Variants in ACTN1 observed in about 807,000 individuals in gnomAD.
The protein encoded by ACTN1 is alpha-actinin-1.
In ACTN1, 30 loss-of-function variants were observed where a neutral mutation model predicts 119.6. The observed-to-expected ratio is 0.25, with a 90% CI of 0.19 to 0.34. The LOEUF (loss-of-function observed/expected upper bound fraction) is 0.34. Ranked by LOEUF, ACTN1 falls within the 10% of genes least tolerant of loss-of-function variation. The probability of loss-of-function intolerance (pLI) is 1.00; values close to 1 mark genes in which losing one functional copy is unlikely to be tolerated. For synonymous variants in ACTN1, 429 were observed against 472.6 expected, an observed-to-expected ratio of 0.91 and a Z score of 1.20; for missense variants, 764 against 1,223.4, an observed-to-expected ratio of 0.62 and a Z score of 5.60.
chr14:68,890,115 G>A (rs1458303566), intron 11 of ACTN1, 24 bp downstream of exon 11: 1 of 1,602,198 alleles, frequency 6.2e-7, no homozygotes, highest in African/African-American at 1.3e-5. Context: ...CCTGGGGGGA[G>A]GCAGGAGGCT....
rs11557769 is a variant in ACTN1 at position 68,874,936 on chromosome 14, T to A, written c.2668A>T (p.Thr890Ser). 22,194 of 1,612,820 alleles carry A rather than the reference T, an allele frequency of 0.014. 205 individuals carry two copies. Among genetic ancestry groups the A allele is most frequent in the Middle Eastern group, 0.018 (109 of 6,058 alleles). The part of the protein sequence containing the change: ...EYCIARMAPY[T>S]GPDSVPGALD... ...GCACCTGGCACGGAGTCGGGGCCGGTGTAGGGGGCCATCCGCGCGATGCAG... is the reference window on the plus strand; with the variant it reads ...GCACCTGGCACGGAGTCGGGGCCGGAGTAGGGGGCCATCCGCGCGATGCAG... Residue 890 changes from threonine (T) to serine (S), a missense_variant, in exon 22 of 22, where the codon ACC becomes TCC. By Grantham distance (58) the Thr-to-Ser change is moderately conservative. Transcript: ENST00000394419.
At chr14:68,911,465 C>G (rs2034000363) in intron 4 of ACTN1, among the ~76,000 whole-genome samples, 2 of 152,186 alleles carry the variant, frequency 1.3e-5, no homozygotes, top group African/African-American at 2.4e-5. Flanking sequence ...AGTGTCACAC[C>G]TAGATCTCCA....
intron 1 of ACTN1, among the ~76,000 whole-genome samples, chr14:68,972,106 AGGTTAG>A (rs772918451): frequency 2.2e-4 from 33 of 152,290 alleles, no homozygotes; most frequent in Non-Finnish European, 4.3e-4. Flanking sequence ...TTATAGACAG[AGGTTAG>A]GGAGAAATTT....
At chr14:68,875,784 G>A (rs1277897586) in intron 21 of ACTN1, among the ~76,000 whole-genome samples, 2 of 152,174 alleles carry the variant, frequency 1.3e-5, no homozygotes, top group African/African-American at 2.4e-5. Context: ...GCCCCTAGCT[G>A]GGCCCTAGTT....
intron 1 of ACTN1, chr14:68,936,817 C>G: frequency 1.7e-6 from 1 of 602,370 alleles, no homozygotes; most frequent in Non-Finnish European, 3.3e-6. Flanking sequence ...GCCAAGCAAT[C>G]CCAGAACTGC....
chr14:68,943,715 TATC>T (rs1367269042), intron 1 of ACTN1, among the ~76,000 whole-genome samples: 1 of 152,180 alleles, frequency 6.6e-6, no homozygotes, highest in Non-Finnish European at 1.5e-5. Flanking sequence ...CACTCACTGT[TATC>T]ATCACCCACG....
chr14:68,876,715 G>C (rs1253661273), intron 21 of ACTN1, among the ~76,000 whole-genome samples: 1 of 152,120 alleles, frequency 6.6e-6, no homozygotes, highest in Non-Finnish European at 1.5e-5. Flanking sequence ...TCCCATTATA[G>C]TCCGTGCCGA....
intron 1 of ACTN1, among the ~76,000 whole-genome samples, chr14:68,959,408 A>C (rs755929478): frequency 6.6e-6 from 1 of 152,068 alleles, no homozygotes; most frequent in Non-Finnish European, 1.5e-5. Context: ...TTACTGCACC[A>C]CTCTCCTAAA....
chr14:68,950,932 T>C (rs1261881833), intron 1 of ACTN1, among the ~76,000 whole-genome samples: 2 of 152,148 alleles, frequency 1.3e-5, no homozygotes, highest in Non-Finnish European at 2.9e-5. Context: ...CATTTCAAAT[T>C]GTGATTCAGG....
intron 1 of ACTN1, among the ~76,000 whole-genome samples, chr14:68,960,293 G>T (rs112298366): frequency 1.3e-5 from 2 of 152,154 alleles, no homozygotes; most frequent in East Asian, 1.9e-4. Context: ...TTCAAGGGTC[G>T]GTTGTATATT....
At chr14:68,934,316 C>T (rs577528759) in intron 1 of ACTN1, among the ~76,000 whole-genome samples, 62 of 152,378 alleles carry the variant, frequency 4.1e-4, no homozygotes, top group African/African-American at 1.3e-3. Context: ...GGGCAGCGGG[C>T]GCGCCTCTCC....
intron 21 of ACTN1, among the ~76,000 whole-genome samples, chr14:68,876,726 T>C (rs372215766): frequency 6.5e-4 from 99 of 152,306 alleles, no homozygotes; most frequent in African/African-American, 2.3e-3. Flanking sequence ...TCCGTGCCGA[T>C]GCGCGGGATG....
At chr14:68,946,477 A>G (rs1433341850) in intron 1 of ACTN1, among the ~76,000 whole-genome samples, 2 of 152,114 alleles carry the variant, frequency 1.3e-5, no homozygotes, top group Non-Finnish European at 2.9e-5. Context: ...TTCCCAGCCC[A>G]ATAAAAAAGG....
intron 3 of ACTN1, among the ~76,000 whole-genome samples, chr14:68,918,122 C>A (rs115878517): frequency 6.6e-6 from 1 of 152,110 alleles, no homozygotes; most frequent in Non-Finnish European, 1.5e-5. Context: ...GCTAGGCCTG[C>A]GTCAAAGGAA....
chr14:68,948,948 A>G (rs1430085874), intron 1 of ACTN1, among the ~76,000 whole-genome samples: 2 of 152,214 alleles, frequency 1.3e-5, no homozygotes, highest in Admixed American at 1.3e-4. Flanking sequence ...CGAACCAGTG[A>G]GCCCACAGAG....
At position 68,880,119 on chromosome 14, in the gene ACTN1, G is replaced by A. The variant is rs2031356430; in HGVS notation, c.2134-11C>T. 2 of 1,612,428 alleles carry A rather than the reference G, an allele frequency of 1.2e-6. No homozygotes were observed. Among genetic ancestry groups the A allele is most frequent in the Non-Finnish European group, 1.7e-6 (2 of 1,179,022 alleles). On this transcript the variant is annotated splice_polypyrimidine_tract_variant and intron_variant, in intron 17 of 21. Coordinates refer to ENST00000394419, the MANE Select transcript of ACTN1 (RefSeq NM_001130004.2). This position sits in a 1 kb window ranked among gnomAD's most constrained non-coding sequence, Gnocchi z 4.6. ...GCCCACACGGATGTGCTGCAGGACG[G>A]CAAGGGGCCTGTCAGCAAAGGGGTC...
At chr14:68,974,182 T>C (rs1289247497) in intron 1 of ACTN1, 2 of 152,660 alleles carry the variant, frequency 1.3e-5, no homozygotes, top group Non-Finnish European at 1.5e-5. Flanking sequence ...ACAATATCTG[T>C]AGAGAGGTGT....
chr14:68,924,295 C>T (rs2034803408), intron 2 of ACTN1, among the ~76,000 whole-genome samples: 1 of 152,132 alleles, frequency 6.6e-6, no homozygotes, highest in Admixed American at 6.5e-5. Flanking sequence ...TTTTACCACA[C>T]ACACAGGTTT....
At chr14:68,951,853 A>G in intron 1 of ACTN1, among the ~76,000 whole-genome samples, 1 of 152,154 alleles carries the variant, frequency 6.6e-6, no homozygotes, top group East Asian at 1.9e-4. Context: ...TCGTTCGTTC[A>G]TTCATTCAAG....
Sources: gnomAD v4.1 joint callset for allele counts (sites outside exome capture counted in the v4.1 genomes callset) on GRCh38, gnomAD v4.1.1 for gene constraint, Gnocchi (gnomAD v3.1) non-coding constraint, MANE v1.5 for transcripts, NCBI Gene and HGNC (gene_info 2026-07-23, HGNC 2026-07-21) for gene names.